Variants in NCAM2 observed in about 807,000 individuals in gnomAD.
The protein encoded by NCAM2 is neural cell adhesion molecule 2.
In NCAM2, 30 loss-of-function variants were observed where a neutral mutation model predicts 98.1. The observed-to-expected ratio is 0.31, with a 90% CI of 0.23 to 0.41. NCAM2 has a LOEUF of 0.41. NCAM2 is among the 10% of genes least tolerant of loss of function. The pLI is 1.00. For missense variants in NCAM2, 867 were observed against 1,005.8 expected (o/e 0.86, Z 1.87); for synonymous variants, 368 against 342.4 (o/e 1.07, Z -0.83).
intron 1 of NCAM2, among the ~76,000 whole-genome samples, chr21:21,142,090 T>C (rs1184792128): frequency 6.6e-6 from 1 of 152,156 alleles, no homozygotes; most frequent in African/African-American, 2.4e-5. Context: ...TTTCTTCTGG[T>C]TTATAACACT....
intron 1 of NCAM2, among the ~76,000 whole-genome samples, chr21:21,230,425 T>C (rs933227612): frequency 6.6e-6 from 1 of 151,326 alleles, no homozygotes; most frequent in African/African-American, 2.4e-5. Flanking sequence ...TTATTTTGTT[T>C]CCATTATGTG....
At chr21:21,041,476 A>C (rs1271553395) in intron 1 of NCAM2, among the ~76,000 whole-genome samples, 1 of 152,222 alleles carries the variant, frequency 6.6e-6, no homozygotes, top group Admixed American at 6.5e-5. Context: ...GTACAAGAGC[A>C]TTAAAAGTGG....
In NCAM2 at chr21:21,324,467, C is replaced by T. The variant is rs774364376; in HGVS notation, c.704C>T (p.Ser235Leu). 1.2e-6 allele frequency: 2 copies of T among 1,613,426 alleles called. No individual in the cohort carries two copies. Among genetic ancestry groups the T allele is most frequent in the South Asian group, 1.1e-5 (1 of 91,060 alleles). Reference protein sequence around the residue: ...GEEMTFSCRASGSPEPAISWF... With the variant: ...GEEMTFSCRALGSPEPAISWF... ...GAAATGACATTTTCCTGCAGGGCCT[C>T]AGGCTCTCCAGAACCCGCCATCTCC... is the stretch of plus-strand genomic sequence containing the variant. Residue 235 changes from serine to leucine, a missense_variant, in exon 6 of 18, where the codon TCA becomes TTA. By Grantham distance (145) the Ser-to-Leu change is moderately radical (BLOSUM62 -2). Around this residue, in one of 5 missense-constraint regions of NCAM2, gnomAD observed 447 missense variants for 495.7 expected, o/e 0.90. Transcript: ENST00000400546.
intron 1 of NCAM2, among the ~76,000 whole-genome samples, chr21:21,064,035 T>C (rs2065380013): frequency 6.6e-6 from 1 of 152,150 alleles, no homozygotes; most frequent in Admixed American, 6.6e-5. Context: ...TGGGTGATTC[T>C]TGCCAAAGAA....
intron 9 of NCAM2, among the ~76,000 whole-genome samples, chr21:21,408,840 T>A (rs1161784403): frequency 6.6e-6 from 1 of 151,912 alleles, no homozygotes; most frequent in African/African-American, 2.4e-5. Flanking sequence ...TATGTGAGAT[T>A]GTCATTAAAA....
chr21:21,099,874 C>T (rs2066204708), intron 1 of NCAM2, among the ~76,000 whole-genome samples: 1 of 151,596 alleles, frequency 6.6e-6, no homozygotes, highest in African/African-American at 2.4e-5. Flanking sequence ...CTGACCGTAC[C>T]TTACTCATGA....
At chr21:21,194,939 C>G (rs895363839) in intron 1 of NCAM2, among the ~76,000 whole-genome samples, 1 of 152,174 alleles carries the variant, frequency 6.6e-6, no homozygotes, top group Non-Finnish European at 1.5e-5. Context: ...TGGCAACCAT[C>G]ACTTCAGTCT....
intron 1 of NCAM2, among the ~76,000 whole-genome samples, chr21:21,174,081 G>A (rs1302032164): frequency 6.6e-6 from 1 of 151,970 alleles, no homozygotes. Flanking sequence ...GCGCCACTAC[G>A]CCCTAATTTT....
At chr21:21,379,512 C>T (rs1196446750) in intron 9 of NCAM2, among the ~76,000 whole-genome samples, 1 of 152,004 alleles carries the variant, frequency 6.6e-6, no homozygotes, top group Non-Finnish European at 1.5e-5. Flanking sequence ...TCAACTTTGG[C>T]TCATAGTTAT....
rs572433313 is a variant in NCAM2, at chr21:21,392,423, T to A, written c.1196-17851T>A. 3.9e-4 allele frequency among the ~76,000 whole-genome samples: 59 copies of A among 152,342 alleles called. No individual in the cohort carries two copies. The South Asian group carries it at 0.012, about 32-fold the overall frequency. On this transcript the variant is annotated intron_variant, in intron 9 of 17. Coordinates refer to ENST00000400546, the MANE Select transcript of NCAM2 (RefSeq NM_004540.5). Reference sequence around the variant, plus strand: ...GCTGCAGTGAACATACAAATGAATGTGTCTTTATACTAGAATGATTTACAT... The same window carrying A: ...GCTGCAGTGAACATACAAATGAATGAGTCTTTATACTAGAATGATTTACAT...
At chr21:21,492,708 A>T (rs1373791741) in intron 15 of NCAM2, among the ~76,000 whole-genome samples, 3 of 151,878 alleles carry the variant, frequency 2.0e-5, no homozygotes, top group African/African-American at 7.2e-5. Flanking sequence ...AATTCAAAGT[A>T]AATAGTTTCA....
chr21:20,998,590 G>T lies in NCAM2; in HGVS notation c.27G>T (p.Leu9=), dbSNP rs758879590. 2 of 1,614,152 alleles carry T rather than the reference G, an allele frequency of 1.2e-6. No individual in the cohort carries two copies. The highest frequency in any genetic ancestry group is 2.2e-5 in the South Asian group (2 of 91,086). The change falls in exon 1 of 18, where the codon CTG becomes CTT. Residue 9 remains leucine, a synonymous_variant. Coordinates refer to ENST00000400546, the MANE Select transcript of NCAM2 (RefSeq NM_004540.5). MSLLLSFY[L]LGLLVSSGQA... ...TGAGCCTCCTCCTCTCCTTCTACCT[G>T]CTGGGGTTGCTTGTCAGTAGCGGGC...
chr21:21,052,675 C>T (rs1425870312), intron 1 of NCAM2, among the ~76,000 whole-genome samples: 2 of 152,096 alleles, frequency 1.3e-5, no homozygotes, highest in African/African-American at 2.4e-5. Context: ...GCAAATAGAC[C>T]TCTGGTGGCC....
intron 1 of NCAM2, among the ~76,000 whole-genome samples, chr21:21,161,638 A>G (rs1253121317): frequency 1.3e-5 from 2 of 151,706 alleles, no homozygotes; most frequent in Non-Finnish European, 2.9e-5. Flanking sequence ...ATATGTGTGT[A>G]TTTAAAAATA....
At chr21:21,166,675 A>T (rs1186328923) in intron 1 of NCAM2, among the ~76,000 whole-genome samples, 1 of 152,200 alleles carries the variant, frequency 6.6e-6, no homozygotes, top group Non-Finnish European at 1.5e-5. Context: ...TTAATATTAT[A>T]CATTGCTAGA....
intron 1 of NCAM2, among the ~76,000 whole-genome samples, chr21:21,105,467 C>A (rs916492384): frequency 6.6e-6 from 1 of 151,870 alleles, no homozygotes. Flanking sequence ...GAGAGTTCTG[C>A]GATGCAATGG....
At chr21:21,242,941 G>T (rs549889068) in intron 1 of NCAM2, among the ~76,000 whole-genome samples, 2 of 152,206 alleles carry the variant, frequency 1.3e-5, no homozygotes, top group East Asian at 1.9e-4. Context: ...AGAAATTATT[G>T]AAGAAAACAT....
At chr21:21,048,186 G>A (rs2065036705) in intron 1 of NCAM2, among the ~76,000 whole-genome samples, 2 of 152,046 alleles carry the variant, frequency 1.3e-5, no homozygotes, top group Admixed American at 6.5e-5. Context: ...AGCTTCCTCT[G>A]TACAATAAAA....
At chr21:21,180,029 A>C (rs1271419288) in intron 1 of NCAM2, among the ~76,000 whole-genome samples, 2 of 152,324 alleles carry the variant, frequency 1.3e-5, no homozygotes, top group East Asian at 3.9e-4. Flanking sequence ...TGTTGGTGCC[A>C]CTTGCCATCT....
Sources: allele counts gnomAD v4.1 joint callset (sites outside exome capture counted in the v4.1 genomes callset), GRCh38; gene constraint gnomAD v4.1.1; regional missense constraint gnomAD v4.1.1; transcripts MANE v1.5; gene names NCBI Gene and HGNC (gene_info 2026-07-23, HGNC 2026-07-21).